Variants in C11orf58 observed in about 807,000 individuals in gnomAD.
The protein encoded by C11orf58 is small acidic protein.
C11orf58 carries 5 observed loss-of-function variants against 22.7 expected under a neutral mutation model. The observed-to-expected ratio is 0.22, with a 90% CI of 0.12 to 0.46. C11orf58 has a LOEUF of 0.46. C11orf58 is among the 20% of genes least tolerant of loss of function. C11orf58 has a pLI of 0.99. For missense variants in C11orf58, 151 were observed against 223.3 expected (o/e 0.68, Z 2.06); for synonymous variants, 71 against 70.7 (o/e 1.00, Z -0.02).
At chr11:16,754,776 A>G (rs1489165424) in intron 4 of C11orf58, 95 bp from the exon 5 acceptor site, 2 of 1,538,752 alleles carry the variant, frequency 1.3e-6, no homozygotes, top group Non-Finnish European at 1.7e-6. Flanking sequence ...GCTACAAAGT[A>G]GAGTGTTTCT....
chr11:16,741,335 A>G (rs931587295), intron 1 of C11orf58, among the ~76,000 whole-genome samples: 2 of 152,226 alleles, frequency 1.3e-5, no homozygotes, highest in Non-Finnish European at 2.9e-5. Context: ...TTGAGGAGGT[A>G]AATTGATTGC....
intron 1 of C11orf58, among the ~76,000 whole-genome samples, chr11:16,741,997 T>C (rs1431830532): frequency 6.6e-6 from 1 of 152,162 alleles, no homozygotes; most frequent in Non-Finnish European, 1.5e-5. Flanking sequence ...AGTGGAAAAA[T>C]TGTCTTCCAC....
chr11:16,738,986 C>A (rs184699588), intron 1 of C11orf58, 145 bp downstream of exon 1: 7 of 872,114 alleles, frequency 8.0e-6, no homozygotes, highest in Non-Finnish European at 9.1e-6. Context: ...GTGGGAAATG[C>A]CTCCCTTAAT....
intron 4 of C11orf58, chr11:16,754,122 T>C: frequency 2.5e-6 from 1 of 400,202 alleles, no homozygotes; most frequent in Non-Finnish European, 4.4e-6. Context: ...AAGTGATCTC[T>C]TTTTATATTA....
intron 3 of C11orf58, 128 bp downstream of exon 3, chr11:16,748,285 G>GA: frequency 1.3e-6 from 1 of 752,692 alleles, no homozygotes. Context: ...ATTAGAGCTG[G>GA]GTGCAGTGGC....
At chr11:16,752,641 C>T (rs1261939649) in intron 3 of C11orf58, 144 bp from the exon 4 acceptor site, 2 of 465,430 alleles carry the variant, frequency 4.3e-6, no homozygotes, top group African/African-American at 4.0e-5. Flanking sequence ...TAGGTAACCA[C>T]CTATGGCATA....
chr11:16,755,318 GAAAT>G lies in C11orf58; in HGVS notation c.*220_*223del, dbSNP rs1406589896. 6.8e-6 allele frequency: 3 copies of G among 441,706 alleles called. No individual in the cohort carries two copies. Among genetic ancestry groups the G allele is most frequent in the Admixed American group, 7.9e-5 (2 of 25,344 alleles). The allele number at this position is 441,706 out of a possible 1,614,324, so 27.4% of individuals were successfully genotyped here. Reference sequence around the variant, plus strand: ...AAAGAGTAAGAGTTGTATAAAATAAGAAATAAATACAGTACTCAACTTCCTTTCA... The same window carrying G: ...AAAGAGTAAGAGTTGTATAAAATAAGAAATACAGTACTCAACTTCCTTTCA... On this transcript the variant is annotated 3_prime_UTR_variant, in exon 5 of 5. Transcript: ENST00000228136.
intron 1 of C11orf58, among the ~76,000 whole-genome samples, chr11:16,742,503 C>G (rs1848456007): frequency 6.6e-6 from 1 of 152,034 alleles, no homozygotes; most frequent in African/African-American, 2.4e-5. Context: ...AACTAAATGG[C>G]CCATAAAAAT....
At chr11:16,754,016 GAAC>G (rs1848554293) in intron 4 of C11orf58, 1 of 433,588 alleles carries the variant, frequency 2.3e-6, no homozygotes, top group Non-Finnish European at 4.1e-6. Context: ...TAATAGGCGT[GAAC>G]AACAACATGC....
At chr11:16,740,402 T>G (rs1384828613) in intron 1 of C11orf58, among the ~76,000 whole-genome samples, 1 of 152,156 alleles carries the variant, frequency 6.6e-6, no homozygotes, top group African/African-American at 2.4e-5. Flanking sequence ...CTGGGTTTTG[T>G]TTTTGTTTTG....
At chr11:16,753,554 G>C (rs1160138036) in intron 4 of C11orf58, among the ~76,000 whole-genome samples, 2 of 151,978 alleles carry the variant, frequency 1.3e-5, no homozygotes, top group African/African-American at 2.4e-5. Context: ...GGAGAGATAG[G>C]GTTTCACCAT....
At position 16,757,441 on chromosome 11, in the gene C11orf58, G is replaced by C. The variant is rs1297640521; in HGVS notation, c.*2337G>C. Among the ~76,000 whole-genome samples the C allele has an allele frequency of 1.3e-5, 2 of 152,052 alleles. No homozygotes were observed. Among genetic ancestry groups the C allele is most frequent in the Non-Finnish European group, 2.9e-5 (2 of 68,016 alleles). ...CAGATTTCAATTAATTCATTTATTG[G>C]GTGCTAACAAAATTCAGGGTTAGAG... is the stretch of plus-strand genomic sequence containing the variant. On this transcript the variant is annotated 3_prime_UTR_variant, in exon 5 of 5. Coordinates refer to ENST00000228136, the MANE Select transcript of C11orf58 (RefSeq NM_014267.6).
chr11:16,745,252 T>C (rs2134069933), intron 2 of C11orf58, among the ~76,000 whole-genome samples: 1 of 152,312 alleles, frequency 6.6e-6, no homozygotes, highest in African/African-American at 2.4e-5. Flanking sequence ...TTGAAATGCC[T>C]GTCAGTTTGG....
intron 3 of C11orf58, chr11:16,749,289 AAC>A (rs1268321605): frequency 1.3e-5 from 2 of 152,260 alleles, no homozygotes; most frequent in African/African-American, 4.8e-5. Flanking sequence ...AAATTATGCT[AAC>A]ACAGCATATG....
chr11:16,752,795 C>T lies in C11orf58; in HGVS notation c.219C>T (p.Asp73=), dbSNP rs1388966546. ...STSHFRTGEE[D]KKINEELESQ... ...ATCCTGGACATGCAGGGGAAGAAGA[C>T]AAGAAAATTAATGAAGAACTGGAGT... is the stretch of plus-strand genomic sequence containing the variant. The change falls in exon 4 of 5, where the codon GAC becomes GAT. Residue 73 remains aspartate (D), a synonymous_variant. Transcript: ENST00000228136. The T allele has an allele frequency of 6.2e-7, 1 of 1,606,714 alleles. No homozygotes were observed. The highest frequency in any genetic ancestry group is 1.1e-5 in the South Asian group (1 of 89,432).
intron 1 of C11orf58, among the ~76,000 whole-genome samples, chr11:16,739,204 T>G (rs1175039612): frequency 6.6e-6 from 1 of 152,118 alleles, no homozygotes; most frequent in African/African-American, 2.4e-5. Flanking sequence ...TCTCCCTGTT[T>G]TGGGTTCTAA....
rs754585175 is a variant in C11orf58, at chr11:16,743,265, TA to T, written c.64-1333del. 3.0e-4 allele frequency among the ~76,000 whole-genome samples: 45 copies of T among 152,334 alleles called. 1 individual carries two copies. The highest frequency in any genetic ancestry group is 3.4e-3 in the Middle Eastern group (1 of 294). ...ACCAAATCAAGTAAATTTTGATGCA[TA>T]AACATTGTAAAAGATGAGATAAAAC... is the stretch of plus-strand genomic sequence containing the variant. On this transcript the variant is annotated intron_variant, in intron 1 of 4. Transcript: ENST00000228136.
At chr11:16,741,070 T>A (rs1848443998) in intron 1 of C11orf58, among the ~76,000 whole-genome samples, 1 of 146,320 alleles carries the variant, frequency 6.8e-6, no homozygotes, top group African/African-American at 2.6e-5. Context: ...CACTCCAGCC[T>A]GGGCGACAGA....
Position 16,755,410 on chromosome 11 carries a change from G to A in C11orf58, c.*306G>A, listed in dbSNP as rs1432395511. On this transcript the variant is annotated 3_prime_UTR_variant, in exon 5 of 5. Transcript: ENST00000228136. ...GAAATGCTTCTTTTTGTTTGTGATA[G>A]CTATTTTATCATTTCCTTCATATTT... 1 of 197,056 alleles carries A rather than the reference G, an allele frequency of 5.1e-6. No individual in the cohort carries two copies. Among genetic ancestry groups the A allele is most frequent in the Non-Finnish European group, 1.0e-5 (1 of 96,514 alleles). The allele number at this position is 197,056 out of a possible 1,614,324, so 12.2% of individuals were successfully genotyped here. A position where few individuals can be genotyped will look rare whatever the true frequency, so the allele number is the denominator to read the frequency against.
Sources: gnomAD v4.1 joint callset for allele counts (sites outside exome capture counted in the v4.1 genomes callset) on GRCh38, gnomAD v4.1.1 for gene constraint, MANE v1.5 for transcripts, NCBI Gene and HGNC (gene_info 2026-07-23, HGNC 2026-07-21) for gene names.